The following COL4A3 variants were observed in gnomAD, a reference collection of about 807,000 sequenced individuals.
COL4A3 encodes collagen alpha-3(IV) chain.
In COL4A3, 135 loss-of-function variants were observed where a neutral mutation model predicts 217.4. That is an observed-to-expected ratio of 0.62 (90% CI 0.54 to 0.72). The LOEUF is 0.72. COL4A3 is among the 30% of genes least tolerant of loss of function. The probability of loss-of-function intolerance (pLI) is 0.00; values close to 1 mark genes in which losing one functional copy is unlikely to be tolerated. For missense variants in COL4A3, 1,868 were observed against 2,119.9 expected (o/e 0.88, Z 2.33); for synonymous variants, 690 against 736.3 (o/e 0.94, Z 1.02).
chr2:227,190,806 C>G (rs147391343), intron 1 of COL4A3, among the ~76,000 whole-genome samples: 2 of 152,268 alleles, frequency 1.3e-5, no homozygotes, highest in Admixed American at 1.3e-4. Context: ...ACTCAGAAGG[C>G]TGATGTGGGA....
chr2:227,277,474 T>C lies in COL4A3; in HGVS notation c.2046T>C (p.Cys682=), dbSNP rs367628136. The change falls in exon 28 of 52, where the codon TGT becomes TGC. Residue 682 remains cysteine (C), a synonymous_variant. Coordinates refer to ENST00000396578, the MANE Select transcript of COL4A3 (RefSeq NM_000091.5). Reference sequence around the variant, plus strand: ...GTATCCCTGGATCCCTGGGGAAATGTGGAGATCCTGGTCTTCCAGGGCCTG... The same window carrying C: ...GTATCCCTGGATCCCTGGGGAAATGCGGAGATCCTGGTCTTCCAGGGCCTG... ...PPGIPGSLGK[C]GDPGLPGPDG... is the part of the protein sequence containing the mutation. 1.9e-6 allele frequency: 3 copies of C among 1,612,536 alleles called. No individual in the cohort carries two copies. The highest frequency in any genetic ancestry group is 2.2e-5 in the East Asian group (1 of 44,868).
intron 1 of COL4A3, among the ~76,000 whole-genome samples, chr2:227,231,159 T>C (rs778235389): frequency 2.6e-5 from 4 of 152,052 alleles, no homozygotes; most frequent in Non-Finnish European, 4.4e-5. Flanking sequence ...CATGTATAAC[T>C]GGTACATGTC....
intron 1 of COL4A3, among the ~76,000 whole-genome samples, chr2:227,231,465 G>A (rs1461540661): frequency 6.6e-6 from 1 of 152,134 alleles, no homozygotes; most frequent in African/African-American, 2.4e-5. Flanking sequence ...AGCACATCAT[G>A]GAGAATGGGG....
intron 38 of COL4A3, chr2:227,293,935 T>C: frequency 2.8e-6 from 1 of 359,034 alleles, no homozygotes; most frequent in South Asian, 2.2e-5. Context: ...ATTACCTGTT[T>C]ACCAGCCCTA....
intron 4 of COL4A3, 56 bp downstream of exon 4, chr2:227,244,420 G>A: frequency 6.6e-7 from 1 of 1,515,266 alleles, no homozygotes; most frequent in African/African-American, 1.4e-5. Flanking sequence ...TTCACAGTAA[G>A]AGTTATACAA....
Position 227,249,230 on chromosome 2 carries a change from A to ATATATATTTTTTTTTTT in COL4A3, c.546+711_546+712insATATATTTTTTTTTTTT. 3.4e-4 allele frequency among the ~76,000 whole-genome samples: 5 copies of ATATATATTTTTTTTTTT among 14,690 alleles called. 1 individual carries two copies. Among genetic ancestry groups the ATATATATTTTTTTTTTT allele is most frequent in the Non-Finnish European group, 5.0e-4 (4 of 8,024 alleles). The allele number at this position is 14,690 out of a possible 152,430, so 9.6% of individuals were successfully genotyped here. On this transcript the variant is annotated intron_variant, in intron 9 of 51. Coordinates refer to ENST00000396578, the MANE Select transcript of COL4A3 (RefSeq NM_000091.5). ...TTAGCTAGTATATATATATATATAT[A>ATATATATTTTTTTTTTT]TTTTTTTTTTTTTTTTTTTTTTTGA...
At chr2:227,291,426 T>G (rs4673189) in intron 37 of COL4A3, among the ~76,000 whole-genome samples, 139,685 of 150,520 alleles carry the variant, frequency 0.93, 64,861 homozygotes, top group African/African-American at 0.96. Flanking sequence ...AGCCGGGCGT[T>G]TTGGCGGGCG....
At chr2:227,260,438 T>C (rs1024294042) in intron 19 of COL4A3, among the ~76,000 whole-genome samples, 1 of 152,180 alleles carries the variant, frequency 6.6e-6, no homozygotes, top group Non-Finnish European at 1.5e-5. Context: ...TCTGATTTCA[T>C]TGTCTGGAGG....
Position 227,169,497 on chromosome 2 carries a change from A to G in COL4A3, c.87+4684A>G, listed in dbSNP as rs1418641012. 6.6e-5 allele frequency among the ~76,000 whole-genome samples: 10 copies of G among 151,394 alleles called. No homozygotes were observed. The East Asian group carries it at 1.9e-3, about 30-fold the overall frequency. On this transcript the variant is annotated intron_variant, in intron 1 of 51. Coordinates refer to ENST00000396578, the MANE Select transcript of COL4A3 (RefSeq NM_000091.5). Reference sequence around the variant, plus strand: ...TTCCACAATGGTTGAACTAGTTTACAGTCCCACCAACAGTGTAAAAGTGTT... The same window carrying G: ...TTCCACAATGGTTGAACTAGTTTACGGTCCCACCAACAGTGTAAAAGTGTT...
intron 31 of COL4A3, chr2:227,281,741 CAG>C (rs1439733480): frequency 6.6e-6 from 1 of 152,420 alleles, no homozygotes; most frequent in Non-Finnish European, 1.5e-5. Context: ...CTGCAGGAAA[CAG>C]AGTGAGCAGC....
intron 1 of COL4A3, among the ~76,000 whole-genome samples, chr2:227,198,823 A>G (rs76675351): frequency 0.14 from 21,825 of 152,204 alleles, 1,701 homozygotes; most frequent in Non-Finnish European, 0.17. Context: ...TTAAATTTTG[A>G]CCATTAAAAA....
intron 28 of COL4A3, chr2:227,279,506 C>T (rs1416608425): frequency 5.0e-6 from 2 of 401,940 alleles, no homozygotes; most frequent in Non-Finnish European, 9.0e-6. Context: ...GTAAAAAATA[C>T]TTCAAAAACA....
intron 1 of COL4A3, among the ~76,000 whole-genome samples, chr2:227,204,514 G>C (rs371870545): frequency 6.6e-6 from 1 of 152,100 alleles, no homozygotes; most frequent in Non-Finnish European, 1.5e-5. Flanking sequence ...CACCATATAC[G>C]AAGGGACCCG....
chr2:227,307,771 TGCAACCTGGACAACGA>T lies in COL4A3; in HGVS notation c.4316_4331del (p.Ala1439GlufsTer85). ...GAAAACGTGGAGACAGTGGATCACC[TGCAACCTGGACAACGA>T]GAGGCTTTGTCTTCACCCGACACAG... On this transcript the variant is annotated frameshift_variant, in exon 48 of 52. Coordinates refer to ENST00000396578, the MANE Select transcript of COL4A3 (RefSeq NM_000091.5). LOFTEE classifies it high-confidence loss of function. The T allele has an allele frequency of 6.2e-7, 1 of 1,614,182 alleles. No individual in the cohort carries two copies. The highest frequency in any genetic ancestry group is 8.5e-7 in the Non-Finnish European group (1 of 1,179,990).
chr2:227,260,280 T>A (rs1191109391), intron 19 of COL4A3, among the ~76,000 whole-genome samples: 1 of 152,228 alleles, frequency 6.6e-6, no homozygotes, highest in Non-Finnish European at 1.5e-5. Context: ...TGATCTGTCC[T>A]TGATGCCGTG....
intron 1 of COL4A3, among the ~76,000 whole-genome samples, chr2:227,179,047 G>A (rs909753233): frequency 6.6e-6 from 1 of 152,068 alleles, no homozygotes; most frequent in Admixed American, 6.5e-5. Flanking sequence ...AACCTCCCAG[G>A]CTCAAGCAAT....
intron 28 of COL4A3, 84 bp downstream of exon 28, chr2:227,277,637 C>G: frequency 1.3e-6 from 1 of 770,568 alleles, no homozygotes. Context: ...GAGTAAAATA[C>G]AATATGAAGA....
intron 1 of COL4A3, among the ~76,000 whole-genome samples, chr2:227,204,095 T>C (rs1285330843): frequency 6.6e-6 from 1 of 152,140 alleles, no homozygotes; most frequent in Non-Finnish European, 1.5e-5. Flanking sequence ...TTAAGTGGCA[T>C]CTTAATAATT....
chr2:227,252,630 G>A (rs1043578519), intron 11 of COL4A3, among the ~76,000 whole-genome samples: 1 of 150,180 alleles, frequency 6.7e-6, no homozygotes, highest in African/African-American at 2.5e-5. Flanking sequence ...ACTCATGCAT[G>A]CACGCACCCT....
Sources: gnomAD v4.1 joint callset for allele counts (sites outside exome capture counted in the v4.1 genomes callset) on GRCh38, gnomAD v4.1.1 for gene constraint, MANE v1.5 for transcripts, NCBI Gene and HGNC (gene_info 2026-07-23, HGNC 2026-07-21) for gene names.